Variants in SGMS2 observed in about 807,000 individuals in gnomAD.
SGMS2 encodes the protein sphingomyelin synthase 2.
In SGMS2, 21 loss-of-function variants were observed where a neutral mutation model predicts 43.8. The observed-to-expected ratio is 0.48, with a 90% CI of 0.34 to 0.69. SGMS2 has a LOEUF of 0.69. Ranked by LOEUF, SGMS2 falls within the 30% of genes least tolerant of loss-of-function variation. SGMS2 has a pLI of 0.01. For missense variants in SGMS2, 384 were observed against 443.2 expected (o/e 0.87, Z 1.20); for synonymous variants, 167 against 160.6 (o/e 1.04, Z -0.30).
At chr4:107,885,831 T>C (rs1373798523) in intron 2 of SGMS2, among the ~76,000 whole-genome samples, 1 of 152,182 alleles carries the variant, frequency 6.6e-6, no homozygotes, top group Non-Finnish European at 1.5e-5. Flanking sequence ...AATAAAAATA[T>C]GATCACTTAC....
intron 2 of SGMS2, among the ~76,000 whole-genome samples, chr4:107,870,351 G>C (rs1265506874): frequency 6.6e-6 from 1 of 152,140 alleles, no homozygotes; most frequent in East Asian, 1.9e-4. Context: ...GAGGGAGTTT[G>C]AAGTCGGGTA....
intron 2 of SGMS2, chr4:107,866,833 C>T (rs1728167107): frequency 6.6e-6 from 1 of 151,730 alleles, no homozygotes; most frequent in Non-Finnish European, 1.5e-5. Context: ...TTAATATGGC[C>T]AAGAGTCTTA....
intron 1 of SGMS2, among the ~76,000 whole-genome samples, chr4:107,854,245 A>T (rs886470883): frequency 1.3e-5 from 2 of 152,196 alleles, no homozygotes; most frequent in African/African-American, 4.8e-5. Flanking sequence ...ACAATATGGG[A>T]CTATCTGAAG....
Position 107,912,897 on chromosome 4 carries a change from A to G in SGMS2, c.*2344A>G, listed in dbSNP as rs1732216008. 6.6e-6 allele frequency: 1 copy of G among 152,136 alleles called. No homozygotes were observed. The highest frequency in any genetic ancestry group is 2.4e-5 in the African/African-American group (1 of 41,440). 9.4% of individuals were successfully genotyped at this position (152,136 alleles called of 1,614,324 possible). A position where few individuals can be genotyped will look rare whatever the true frequency, so the allele number is the denominator to read the frequency against. On this transcript the variant is annotated 3_prime_UTR_variant, in exon 7 of 7. Transcript: ENST00000690982. ...TATAGCTCTGTCATCGAGTTGAGGA[A>G]GTCCATGGTTTGCAAATAAGGGTGG...
chr4:107,899,175 A>T (rs1191504302), intron 3 of SGMS2, among the ~76,000 whole-genome samples: 1 of 152,108 alleles, frequency 6.6e-6, no homozygotes, highest in Non-Finnish European at 1.5e-5. Context: ...TATTCCTTTC[A>T]TATGTTCTCA....
At position 107,910,379 on chromosome 4, in the gene SGMS2, C is replaced by A. The variant is rs1732022895; in HGVS notation, c.924C>A (p.Phe308Leu). The A allele has an allele frequency of 3.1e-6, 5 of 1,613,918 alleles. No individual in the cohort carries two copies. Among genetic ancestry groups the A allele is most frequent in the Non-Finnish European group, 4.2e-6 (5 of 1,179,962 alleles). The part of the protein sequence containing the change: ...KNLKVSSQTN[F>L]LSRAWWFPIF... The stretch of plus-strand genomic sequence containing the variant: ...TGAAGGTCTCTTCACAGACTAATTT[C>A]TTATCTCGAGCATGGTGGTTCCCCA... Residue 308 changes from phenylalanine (F) to leucine (L), a missense_variant, in exon 7 of 7, where the codon TTC becomes TTA. Coordinates refer to ENST00000690982, the MANE Select transcript of SGMS2 (RefSeq NM_001375905.1).
chr4:107,864,745 C>T (rs191288317), intron 2 of SGMS2, among the ~76,000 whole-genome samples: 36 of 152,172 alleles, frequency 2.4e-4, no homozygotes, highest in Admixed American at 2.2e-3. Flanking sequence ...GGAGAAAGCC[C>T]GTTGAACTGT....
chr4:107,838,317 C>T (rs1424832562), intron 1 of SGMS2, among the ~76,000 whole-genome samples: 1 of 152,172 alleles, frequency 6.6e-6, no homozygotes, highest in East Asian at 1.9e-4. Flanking sequence ...TCTTGTTGAG[C>T]ATTTTTAGAG....
Position 107,907,315 on chromosome 4 carries a change from A to G in SGMS2, c.728-1250A>G, listed in dbSNP as rs563201169. On this transcript the variant is annotated intron_variant, in intron 5 of 6. Transcript: ENST00000690982. ...TGATACCTGATTTGGTATTTCATTT[A>G]AAGTTCTGGAAATGGGCTGGGCGCA... is the stretch of plus-strand genomic sequence containing the variant. 5 of 152,370 alleles carry G rather than the reference A, an allele frequency of 3.3e-5. No individual in the cohort carries two copies. The South Asian group carries it at 1.0e-3, about 32-fold the overall frequency. 9.4% of individuals were successfully genotyped at this position (152,370 alleles called of 1,614,324 possible). A position where few individuals can be genotyped will look rare whatever the true frequency, so the allele number is the denominator to read the frequency against.
At chr4:107,843,626 G>T (rs1449633897) in intron 1 of SGMS2, among the ~76,000 whole-genome samples, 1 of 152,156 alleles carries the variant, frequency 6.6e-6, no homozygotes, top group African/African-American at 2.4e-5. Context: ...AAGGCTCAAA[G>T]ATCTCACATC....
At chr4:107,839,407 A>G (rs956948942) in intron 1 of SGMS2, among the ~76,000 whole-genome samples, 2 of 151,070 alleles carry the variant, frequency 1.3e-5, no homozygotes, top group Admixed American at 6.6e-5. Context: ...TCCTACTTCT[A>G]TCAGTTTGTT....
At chr4:107,886,090 C>T (rs1158818050) in intron 2 of SGMS2, among the ~76,000 whole-genome samples, 1 of 152,084 alleles carries the variant, frequency 6.6e-6, no homozygotes, top group African/African-American at 2.4e-5. Flanking sequence ...TAGAATTTTT[C>T]CTGTAGTCTG....
At chr4:107,836,715 C>T (rs1400832519) in intron 1 of SGMS2, among the ~76,000 whole-genome samples, 1 of 152,118 alleles carries the variant, frequency 6.6e-6, no homozygotes, top group Non-Finnish European at 1.5e-5. Flanking sequence ...TCCTCAGTTG[C>T]TTATTTTGAC....
intron 4 of SGMS2, among the ~76,000 whole-genome samples, chr4:107,900,071 A>T (rs1370792515): frequency 6.6e-6 from 1 of 152,060 alleles, no homozygotes; most frequent in Non-Finnish European, 1.5e-5. Flanking sequence ...ATTATAAACA[A>T]ATTCATAATT....
chr4:107,852,758 T>TTTTTTTTTTTTTTTTTG (rs1727222980), intron 1 of SGMS2, among the ~76,000 whole-genome samples: 1 of 151,800 alleles, frequency 6.6e-6, no homozygotes. Flanking sequence ...TTTTTTTTTT[T>TTTTTTTTTTTTTTTTTG]ACTGTTACTG....
At chr4:107,907,535 C>A (rs1731686085) in intron 5 of SGMS2, among the ~76,000 whole-genome samples, 2 of 152,126 alleles carry the variant, frequency 1.3e-5, no homozygotes, top group African/African-American at 4.8e-5. Flanking sequence ...CGCTTGAACC[C>A]AGGGGACAGA....
At chr4:107,869,767 G>A (rs923596652) in intron 2 of SGMS2, among the ~76,000 whole-genome samples, 2 of 151,930 alleles carry the variant, frequency 1.3e-5, no homozygotes, top group African/African-American at 4.8e-5. Flanking sequence ...AAAAAAAAAA[G>A]ATTTCCTGTG....
At chr4:107,905,012 G>T (rs1731431768) in intron 5 of SGMS2, among the ~76,000 whole-genome samples, 2 of 152,152 alleles carry the variant, frequency 1.3e-5, no homozygotes, top group Non-Finnish European at 2.9e-5. Context: ...TGAAGGCACT[G>T]TAGGTTTAAA....
At chr4:107,879,586 C>G (rs936101913) in intron 2 of SGMS2, among the ~76,000 whole-genome samples, 1 of 151,822 alleles carries the variant, frequency 6.6e-6, no homozygotes, top group African/African-American at 2.4e-5. Context: ...CTCAGCTTCC[C>G]GAGTACCTGG....
Sources: gnomAD v4.1 joint callset for allele counts (sites outside exome capture counted in the v4.1 genomes callset) on GRCh38, gnomAD v4.1.1 for gene constraint, MANE v1.5 for transcripts, NCBI Gene and HGNC (gene_info 2026-07-23, HGNC 2026-07-21) for gene names.